Variants in EPB41L1 observed in about 807,000 individuals in gnomAD.
EPB41L1 encodes erythrocyte membrane protein band 4.1 like 1.
Under a neutral mutation model 97.8 loss-of-function variants are expected in EPB41L1, and 29 were observed. The ratio of observed to expected loss-of-function variants is 0.30; its 90% CI spans 0.22 to 0.40. The LOEUF (loss-of-function observed/expected upper bound fraction) is 0.40, where lower values mean the gene tolerates loss of function less well. Among genes scored for constraint, EPB41L1 ranks in the 10% least tolerant of loss-of-function variants. The pLI, the probability that EPB41L1 is intolerant of heterozygous loss-of-function variation, is 1.00. For missense variants in EPB41L1, 812 were observed against 1,162.3 expected (o/e 0.70, Z 4.38); for synonymous variants, 383 against 459.2 (o/e 0.83, Z 2.12).
intron 2 of EPB41L1, among the ~76,000 whole-genome samples, chr20:36,113,328 A>G (rs952687722): frequency 6.6e-6 from 1 of 151,662 alleles, no homozygotes; most frequent in Non-Finnish European, 1.5e-5. Flanking sequence ...CAGGGCTGTG[A>G]TGTTGTCATT....
chr20:36,225,625 G>A (rs1346260814), intron 21 of EPB41L1, among the ~76,000 whole-genome samples: 2 of 152,156 alleles, frequency 1.3e-5, no homozygotes, highest in Non-Finnish European at 2.9e-5. Context: ...TTCCTCACTT[G>A]CAAAATGAAG....
At chr20:36,114,103 A>G (rs74744537) in intron 2 of EPB41L1, among the ~76,000 whole-genome samples, 1 of 152,202 alleles carries the variant, frequency 6.6e-6, no homozygotes, top group Non-Finnish European at 1.5e-5. Flanking sequence ...TAATGGTCTC[A>G]TGACTTCCCC....
At chr20:36,166,170 C>T (rs537438764) in intron 1 of EPB41L1, among the ~76,000 whole-genome samples, 1 of 152,358 alleles carries the variant, frequency 6.6e-6, no homozygotes, top group Admixed American at 6.5e-5. Context: ...GTGTTCTATC[C>T]ATCAGTTATC....
At chr20:36,129,934 G>GT (rs35257790) in intron 2 of EPB41L1, among the ~76,000 whole-genome samples, 1,338 of 130,344 alleles carry the variant, frequency 0.01, 25 homozygotes, top group African/African-American at 0.028. Context: ...CGGCAGGTTT[G>GT]TTTTTTTTTT....
intron 15 of EPB41L1, among the ~76,000 whole-genome samples, chr20:36,210,846 TA>T (rs1457574707): frequency 6.6e-6 from 1 of 152,214 alleles, no homozygotes; most frequent in African/African-American, 2.4e-5. Context: ...TGGCATATAC[TA>T]GGCACTAATA....
chr20:36,179,820 G>A, intron 5 of EPB41L1, among the ~76,000 whole-genome samples: 1 of 152,232 alleles, frequency 6.6e-6, no homozygotes, highest in East Asian at 1.9e-4. Flanking sequence ...TGAAGGTTCT[G>A]TCAGTTGGAG....
intron 3 of EPB41L1, among the ~76,000 whole-genome samples, chr20:36,177,299 C>A (rs2061284064): frequency 6.6e-6 from 1 of 152,178 alleles, no homozygotes; most frequent in South Asian, 2.1e-4. Context: ...TCGGCTTCGT[C>A]ATTCTGAATG....
At chr20:36,155,087 T>C (rs1285146723) in intron 1 of EPB41L1, 191 bp downstream of exon 1, 2 of 547,838 alleles carry the variant, frequency 3.7e-6, no homozygotes, top group Admixed American at 4.7e-5. Context: ...CTCCAAGGCC[T>C]GGAGAGAGGA....
intron 21 of EPB41L1, among the ~76,000 whole-genome samples, chr20:36,224,169 G>A (rs2063960571): frequency 6.6e-6 from 1 of 152,174 alleles, no homozygotes; most frequent in Admixed American, 6.6e-5. Context: ...GTAGTCACTA[G>A]CCGCATGTGG....
Position 36,221,953 on chromosome 20 carries a change from G to A in EPB41L1, c.2520+9G>A. On this transcript the variant is annotated intron_variant, in intron 20 of 21. Transcript: ENST00000338074. ...ATGTCGATCAAGACCAGGTATGGGG[G>A]TAGCAACCGTTCTTCCCAGTGCCAC... 1 of 1,613,974 alleles carries A rather than the reference G, an allele frequency of 6.2e-7. No homozygotes were observed. Among genetic ancestry groups the A allele is most frequent in the South Asian group, 1.1e-5 (1 of 91,078 alleles).
At chr20:36,176,954 A>G (rs1035156784) in intron 3 of EPB41L1, among the ~76,000 whole-genome samples, 3 of 152,072 alleles carry the variant, frequency 2.0e-5, no homozygotes, top group Non-Finnish European at 4.4e-5. Flanking sequence ...TGTCTATAGA[A>G]AGATTTCACC....
chr20:36,155,220 G>A (rs780920377), intron 1 of EPB41L1: 1 of 455,078 alleles, frequency 2.2e-6, no homozygotes, highest in Non-Finnish European at 4.4e-6. Flanking sequence ...GCCTCCAGAG[G>A]CCAAGGGCTC....
intron 1 of EPB41L1, among the ~76,000 whole-genome samples, chr20:36,168,147 T>A (rs892994647): frequency 6.6e-6 from 1 of 152,022 alleles, no homozygotes; most frequent in Non-Finnish European, 1.5e-5. Context: ...CCCTGGAAGG[T>A]GAGCTAGAGG....
Position 36,160,667 on chromosome 20 carries a change from G to A in EPB41L1, c.-15+5771G>A, listed in dbSNP as rs571247500. On this transcript the variant is annotated intron_variant, in intron 1 of 21. Coordinates refer to ENST00000338074, the MANE Select transcript of EPB41L1 (RefSeq NM_012156.2). ...CCCAAACAAATCCTACTCTCCAGTC[G>A]TAGCTAATAACAGCATGTTGTGTAT... Among the ~76,000 whole-genome samples, 6 of 152,006 alleles carry A rather than the reference G, an allele frequency of 3.9e-5. No homozygotes were observed. The East Asian group carries it at 9.7e-4, about 24-fold the overall frequency.
chr20:36,132,671 C>T (rs2059264056), intron 2 of EPB41L1, among the ~76,000 whole-genome samples: 1 of 149,570 alleles, frequency 6.7e-6, no homozygotes, highest in African/African-American at 2.5e-5. Context: ...CACTAGCCTC[C>T]AAGATGGAGG....
At chr20:36,162,753 C>T (rs939564732) in intron 1 of EPB41L1, among the ~76,000 whole-genome samples, 6 of 152,338 alleles carry the variant, frequency 3.9e-5, no homozygotes, top group Admixed American at 6.5e-5. Context: ...CCTAGTGGCC[C>T]GTGAAGCTTT....
At chr20:36,221,770 C>T in intron 19 of EPB41L1, 94 bp from the exon 20 acceptor site, 3 of 1,076,324 alleles carry the variant, frequency 2.8e-6, no homozygotes, top group Non-Finnish European at 4.3e-6. Context: ...TGGTTCTCAG[C>T]CCTGCCCTCG....
intron 1 of EPB41L1, among the ~76,000 whole-genome samples, chr20:36,171,257 C>T (rs745710987): frequency 8.6e-5 from 13 of 152,010 alleles, no homozygotes; most frequent in East Asian, 1.9e-4. Context: ...ATCCTGAGCC[C>T]GGTGCACCGG....
Position 36,206,222 on chromosome 20 carries a change from A to G in EPB41L1, c.1669-3266A>G, listed in dbSNP as rs2146716932. ...TCTGAGCTCAGGGCAGACACCAGAG[A>G]GGCAACCATCAGGAACCGCTGCATG... On this transcript the variant is annotated intron_variant, in intron 14 of 21. Coordinates refer to ENST00000338074, the MANE Select transcript of EPB41L1 (RefSeq NM_012156.2). This position sits in a 1 kb window ranked among gnomAD's most constrained non-coding sequence, Gnocchi z 5.5. 1 of 1,289,922 alleles carries G rather than the reference A, an allele frequency of 7.8e-7. No individual in the cohort carries two copies. The highest frequency in any genetic ancestry group is 1.5e-5 in the African/African-American group (1 of 66,006). 79.9% of individuals were successfully genotyped at this position (1,289,922 alleles called of 1,614,324 possible).
Sources: allele counts gnomAD v4.1 joint callset (sites outside exome capture counted in the v4.1 genomes callset), GRCh38; gene constraint gnomAD v4.1.1; non-coding constraint Gnocchi (gnomAD v3.1); transcripts MANE v1.5; gene names NCBI Gene and HGNC (gene_info 2026-07-23, HGNC 2026-07-21).